ERBB4: variants seen among roughly 807,000 people sequenced by gnomAD.
ERBB4 encodes the protein receptor tyrosine-protein kinase erbB-4.
A neutral mutation model predicts 158.0 loss-of-function variants in ERBB4; 42 were observed. The observed-to-expected ratio is 0.27, with a 90% CI of 0.21 to 0.34. The LOEUF (loss-of-function observed/expected upper bound fraction) is 0.34. Among genes scored for constraint, ERBB4 ranks in the 10% least tolerant of loss-of-function variants. ERBB4 has a pLI of 1.00. For missense variants in ERBB4, 1,333 were observed against 1,624.1 expected (o/e 0.82, Z 3.08); for synonymous variants, 583 against 558.7 (o/e 1.04, Z -0.61).
intron 1 of ERBB4, among the ~76,000 whole-genome samples, chr2:212,514,957 G>A (rs1313573811): frequency 6.6e-6 from 1 of 152,104 alleles, no homozygotes; most frequent in East Asian, 1.9e-4. Flanking sequence ...ACAGCTTCTT[G>A]TATGAGGGAA....
intron 16 of ERBB4, among the ~76,000 whole-genome samples, chr2:211,656,200 C>A (rs1457392684): frequency 6.6e-6 from 1 of 152,176 alleles, no homozygotes; most frequent in African/African-American, 2.4e-5. Context: ...GCTCTGTTGC[C>A]ATCTTGTTTC....
chr2:211,514,112 T>A (rs559233500), intron 20 of ERBB4, among the ~76,000 whole-genome samples: 1 of 151,946 alleles, frequency 6.6e-6, no homozygotes, highest in Non-Finnish European at 1.5e-5. Flanking sequence ...CATTAGCAAA[T>A]CTCTCTTCAT....
In ERBB4 at chr2:212,013,607, G is replaced by C. The variant is rs111837025; in HGVS notation, c.235-65991C>G. On this transcript the variant is annotated intron_variant, in intron 2 of 27. Transcript: ENST00000342788. ...ATTACTGTTCCCCTTATAAAACAGG[G>C]AAATTTGGACACAGGGACACAGTCA... 5.0e-3 allele frequency among the ~76,000 whole-genome samples: 756 copies of C among 152,288 alleles called. 4 individuals are homozygous for C. Among genetic ancestry groups the C allele is most frequent in the African/African-American group, 5.2e-3 (215 of 41,558 alleles).
intron 1 of ERBB4, among the ~76,000 whole-genome samples, chr2:212,458,638 A>G (rs971084999): frequency 3.9e-5 from 6 of 152,124 alleles, no homozygotes; most frequent in African/African-American, 1.4e-4. Context: ...AAAAAAAAAA[A>G]TCATTCGAGC....
intron 3 of ERBB4, among the ~76,000 whole-genome samples, chr2:211,924,129 G>A (rs1370690226): frequency 6.6e-6 from 1 of 152,118 alleles, no homozygotes; most frequent in Non-Finnish European, 1.5e-5. Context: ...ACTCATAATA[G>A]GAAAGACTTG....
At chr2:212,391,042 C>A (rs1186512841) in intron 1 of ERBB4, among the ~76,000 whole-genome samples, 1 of 151,778 alleles carries the variant, frequency 6.6e-6, no homozygotes, top group Non-Finnish European at 1.5e-5. Flanking sequence ...CTCATCAGTT[C>A]ACTTTCACTG....
At chr2:211,789,704 G>A (rs555702733) in intron 3 of ERBB4, among the ~76,000 whole-genome samples, 8 of 152,154 alleles carry the variant, frequency 5.3e-5, no homozygotes, top group East Asian at 1.9e-4. Context: ...GAAGGCAACC[G>A]ACACCATCTC....
At chr2:211,868,458 G>A (rs2078263060) in intron 3 of ERBB4, among the ~76,000 whole-genome samples, 1 of 152,182 alleles carries the variant, frequency 6.6e-6, no homozygotes, top group South Asian at 2.1e-4. Context: ...ATACCCTGAA[G>A]TGAAATAGAA....
intron 2 of ERBB4, among the ~76,000 whole-genome samples, chr2:212,121,552 T>A (rs1457071018): frequency 6.6e-6 from 1 of 152,212 alleles, no homozygotes; most frequent in Non-Finnish European, 1.5e-5. Flanking sequence ...TTACTCTTTT[T>A]AATCTCCATT....
At chr2:211,473,084 T>C (rs1175577143) in intron 20 of ERBB4, among the ~76,000 whole-genome samples, 1 of 151,888 alleles carries the variant, frequency 6.6e-6, no homozygotes, top group Non-Finnish European at 1.5e-5. Flanking sequence ...CTGAATGATC[T>C]TGACATGGAG....
intron 2 of ERBB4, among the ~76,000 whole-genome samples, chr2:212,040,838 C>T (rs968982241): frequency 6.6e-6 from 1 of 152,080 alleles, no homozygotes; most frequent in South Asian, 2.1e-4. Context: ...TACCCTTTGC[C>T]TTCTTCAACT....
chr2:212,042,781 TC>T, intron 2 of ERBB4, among the ~76,000 whole-genome samples: 1 of 152,260 alleles, frequency 6.6e-6, no homozygotes, highest in East Asian at 1.9e-4. Flanking sequence ...ATACTTGTCA[TC>T]CACATGGTTT....
chr2:211,796,861 A>G (rs778426767), intron 3 of ERBB4, among the ~76,000 whole-genome samples: 2 of 151,910 alleles, frequency 1.3e-5, no homozygotes, highest in Non-Finnish European at 2.9e-5. Flanking sequence ...ATCAGGTGTA[A>G]CCCTCATAAC....
At chr2:212,172,699 C>T (rs2081553817) in intron 1 of ERBB4, among the ~76,000 whole-genome samples, 1 of 151,974 alleles carries the variant, frequency 6.6e-6, no homozygotes, top group Non-Finnish European at 1.5e-5. Context: ...CAAAATATCA[C>T]GTGTTCTCAC....
chr2:211,831,897 C>T (rs2077229374), intron 3 of ERBB4, among the ~76,000 whole-genome samples: 1 of 141,342 alleles, frequency 7.1e-6, no homozygotes, highest in Admixed American at 7.5e-5. Context: ...CAGCGAGACT[C>T]TGTCTCAAAA....
intron 2 of ERBB4, among the ~76,000 whole-genome samples, chr2:211,978,392 G>GTCTCTTTCTA (rs1165469722): frequency 9.5e-4 from 97 of 102,312 alleles, no homozygotes; most frequent in Middle Eastern, 4.9e-3. Context: ...CTGTCTGTCT[G>GTCTCTTTCTA]TCTGTCTATC....
intron 2 of ERBB4, among the ~76,000 whole-genome samples, chr2:212,121,742 G>T (rs1439500386): frequency 1.9e-5 from 2 of 106,402 alleles, no homozygotes. Context: ...TGATTTATTT[G>T]CAATGTATAT....
intron 20 of ERBB4, among the ~76,000 whole-genome samples, chr2:211,512,482 C>T (rs1476579525): frequency 6.6e-6 from 1 of 151,358 alleles, no homozygotes; most frequent in Non-Finnish European, 1.5e-5. Context: ...AAAGAAACTT[C>T]CTAAAAATAT....
At chr2:211,741,501 T>TAG (rs575541868) in intron 5 of ERBB4, among the ~76,000 whole-genome samples, 13 of 138,500 alleles carry the variant, frequency 9.4e-5, no homozygotes, top group Non-Finnish European at 1.4e-4. Context: ...AGACAGATGA[T>TAG]AGAGAGAGAG....
Sources: allele counts gnomAD v4.1 joint callset (sites outside exome capture counted in the v4.1 genomes callset), GRCh38; gene constraint gnomAD v4.1.1; transcripts MANE v1.5; gene names NCBI Gene and HGNC (gene_info 2026-07-23, HGNC 2026-07-21).